ADAMTS6: variants seen among roughly 807,000 people sequenced by gnomAD.
ADAMTS6 encodes the protein ADAM metallopeptidase with thrombospondin type 1 motif 6.
Under a neutral mutation model 144.3 loss-of-function variants are expected in ADAMTS6, and 23 were observed. The observed-to-expected ratio is 0.16, with a 90% confidence interval of 0.11 to 0.23. ADAMTS6 has a LOEUF of 0.23. Among genes scored for constraint, ADAMTS6 ranks in the 10% least tolerant of loss-of-function variants. The probability of loss-of-function intolerance (pLI) is 1.00; values close to 1 mark genes in which losing one functional copy is unlikely to be tolerated. For synonymous variants in ADAMTS6, 444 were observed against 457.5 expected, an observed-to-expected ratio of 0.97 and a Z score of 0.38; for missense variants, 999 against 1,379.6, an observed-to-expected ratio of 0.72 and a Z score of 4.37.
At chr5:65,440,692 C>T (rs916452861) in intron 7 of ADAMTS6, among the ~76,000 whole-genome samples, 7 of 151,938 alleles carry the variant, frequency 4.6e-5, no homozygotes, top group Non-Finnish European at 5.9e-5. Flanking sequence ...GGTAATAATG[C>T]CTAGCACTTA....
chr5:65,454,566 TG>T (rs1255818535), intron 4 of ADAMTS6, among the ~76,000 whole-genome samples: 1 of 152,204 alleles, frequency 6.6e-6, no homozygotes, highest in African/African-American at 2.4e-5. Context: ...CTTTTGAATA[TG>T]GGTAGGACCT....
At chr5:65,362,421 ATCATT>A (rs1466870149) in intron 7 of ADAMTS6, among the ~76,000 whole-genome samples, 6 of 152,198 alleles carry the variant, frequency 3.9e-5, no homozygotes, top group African/African-American at 1.4e-4. Flanking sequence ...CTAATCAAAA[ATCATT>A]TCATTTCATG....
intron 19 of ADAMTS6, 148 bp downstream of exon 19, chr5:65,215,176 C>A (rs1756825670): frequency 9.5e-7 from 1 of 1,055,060 alleles, no homozygotes; most frequent in East Asian, 2.6e-5. Context: ...CTTAACTCTG[C>A]ACAGCTCTAA....
At chr5:65,280,062 G>A (rs1762870948) in intron 11 of ADAMTS6, among the ~76,000 whole-genome samples, 1 of 152,210 alleles carries the variant, frequency 6.6e-6, no homozygotes. Flanking sequence ...CATGTAGGCT[G>A]TATATGGTTT....
At chr5:65,278,943 C>T (rs1347464180) in intron 11 of ADAMTS6, among the ~76,000 whole-genome samples, 1 of 132,062 alleles carries the variant, frequency 7.6e-6, no homozygotes. Flanking sequence ...TCTTTACAGT[C>T]TTTTTTTTTT....
At chr5:65,388,523 C>T (rs1752657612) in intron 7 of ADAMTS6, among the ~76,000 whole-genome samples, 1 of 152,322 alleles carries the variant, frequency 6.6e-6, no homozygotes, top group South Asian at 2.1e-4. Context: ...TACTTTCTCA[C>T]TGCGTGACCT....
At chr5:65,468,109 A>G (rs1433318828) in intron 3 of ADAMTS6, among the ~76,000 whole-genome samples, 3 of 152,220 alleles carry the variant, frequency 2.0e-5, no homozygotes, top group African/African-American at 7.2e-5. Flanking sequence ...ACAGCAAATT[A>G]AAATATGACA....
At position 65,175,218 on chromosome 5, in the gene ADAMTS6, A is replaced by G. The variant is rs114404300; in HGVS notation, c.2911-2210T>C. On this transcript the variant is annotated intron_variant, in intron 22 of 24. Transcript: ENST00000381055. ...GAGGAAAGAGAGAGAAAAAGGGGCA[A>G]AGAGAGAGAGAGGAAGAGACAGAGA... Among the ~76,000 whole-genome samples the G allele has an allele frequency of 2.2e-3, 336 of 151,656 alleles. 3 individuals are homozygous for G. Among genetic ancestry groups the G allele is most frequent in the African/African-American group, 7.9e-3 (325 of 41,350 alleles).
At chr5:65,271,435 T>C (rs1187539615) in intron 12 of ADAMTS6, among the ~76,000 whole-genome samples, 1 of 151,676 alleles carries the variant, frequency 6.6e-6, no homozygotes, top group Non-Finnish European at 1.5e-5. Flanking sequence ...CTTATTGAAA[T>C]TTAAATTCAA....
intron 1 of ADAMTS6, among the ~76,000 whole-genome samples, chr5:65,475,658 T>C (rs1167126891): frequency 6.6e-6 from 1 of 152,094 alleles, no homozygotes; most frequent in East Asian, 1.9e-4. Flanking sequence ...ACAAGTCAAA[T>C]TGCTGGAGGT....
At chr5:65,360,959 A>G (rs1331232572) in intron 7 of ADAMTS6, among the ~76,000 whole-genome samples, 1 of 152,128 alleles carries the variant, frequency 6.6e-6, no homozygotes, top group Non-Finnish European at 1.5e-5. Context: ...GGCACTGATC[A>G]TATCTTCTCT....
intron 14 of ADAMTS6, 119 bp from the exon 15 acceptor site, chr5:65,242,325 C>T: frequency 1.7e-6 from 1 of 584,584 alleles, no homozygotes; most frequent in East Asian, 3.0e-5. Flanking sequence ...GGCTATAATT[C>T]TGGCATTTGC....
chr5:65,194,419 G>T (rs1755207056), intron 21 of ADAMTS6, among the ~76,000 whole-genome samples: 1 of 152,210 alleles, frequency 6.6e-6, no homozygotes, highest in Non-Finnish European at 1.5e-5. Flanking sequence ...TGTGTTGCCA[G>T]ATGATTTTGC....
At chr5:65,277,943 T>C (rs550003013) in intron 11 of ADAMTS6, among the ~76,000 whole-genome samples, 1 of 152,306 alleles carries the variant, frequency 6.6e-6, no homozygotes, top group East Asian at 1.9e-4. Flanking sequence ...ACCTGAGTAG[T>C]GTACACTGTA....
intron 1 of ADAMTS6, among the ~76,000 whole-genome samples, chr5:65,478,137 CCAAA>C (rs1417522996): frequency 2.7e-5 from 4 of 149,790 alleles, no homozygotes; most frequent in South Asian, 2.1e-4. Flanking sequence ...AAAAAAAAAA[CCAAA>C]CAAACAAAAA....
Position 65,242,154 on chromosome 5 carries a change from T to A in ADAMTS6, c.1883A>T (p.Asp628Val), listed in dbSNP as rs1759247166. The A allele has an allele frequency of 6.2e-7, 1 of 1,604,428 alleles. No homozygotes were observed. Among genetic ancestry groups the A allele is most frequent in the Non-Finnish European group, 8.5e-7 (1 of 1,173,926 alleles). ...ATACTTTCCTCGGAAAGGCATATTGTCAAAGTCTGCACACTGTTTCTCTCG... is the reference window on the plus strand; with the variant it reads ...ATACTTTCCTCGGAAAGGCATATTGACAAAGTCTGCACACTGTTTCTCTCG... ...DFREKQCADFDNMPFRGKYYN... is the reference protein window; with the variant it reads ...DFREKQCADFVNMPFRGKYYN... Residue 628 changes from aspartate (D) to valine (V), a missense_variant, in exon 15 of 25, where the codon GAC (aspartate) becomes GTC (valine). By Grantham distance (152) the Asp-to-Val change is radical. Around this residue, in one of 3 missense-constraint regions of ADAMTS6, gnomAD observed 619 missense variants for 837.0 expected, o/e 0.74. Transcript: ENST00000381055.
At chr5:65,420,820 T>G (rs1404480738) in intron 7 of ADAMTS6, among the ~76,000 whole-genome samples, 2 of 152,178 alleles carry the variant, frequency 1.3e-5, no homozygotes, top group Non-Finnish European at 2.9e-5. Flanking sequence ...TAGTCTAAAG[T>G]TTGAACATTG....
At chr5:65,267,437 AT>A (rs1325039897) in intron 12 of ADAMTS6, among the ~76,000 whole-genome samples, 2 of 152,054 alleles carry the variant, frequency 1.3e-5, no homozygotes, top group Non-Finnish European at 2.9e-5. Context: ...AAAATCTTAT[AT>A]TGTTCATTAT....
At chr5:65,238,776 G>T (rs1758903380) in intron 15 of ADAMTS6, among the ~76,000 whole-genome samples, 1 of 152,056 alleles carries the variant, frequency 6.6e-6, no homozygotes, top group East Asian at 1.9e-4. Flanking sequence ...AAACATAGCT[G>T]GGAGAAATTA....
Sources: allele counts gnomAD v4.1 joint callset (sites outside exome capture counted in the v4.1 genomes callset), GRCh38; gene constraint gnomAD v4.1.1; regional missense constraint gnomAD v4.1.1; transcripts MANE v1.5; gene names NCBI Gene and HGNC (gene_info 2026-07-23, HGNC 2026-07-21).